Variants in CACNA1C observed in about 807,000 individuals in gnomAD.
CACNA1C encodes the protein calcium voltage-gated channel subunit alpha1 C.
Under a neutral mutation model 229.0 loss-of-function variants are expected in CACNA1C, and 30 were observed. That is an observed-to-expected ratio of 0.13 (90% CI 0.10 to 0.18). The LOEUF (loss-of-function observed/expected upper bound fraction) is 0.18, where lower values mean the gene tolerates loss of function less well. Among genes scored for constraint, CACNA1C ranks in the 10% least tolerant of loss-of-function variants. The pLI is 1.00. For synonymous variants in CACNA1C, 1,114 were observed against 1,132.5 expected (o/e 0.98, Z 0.33); for missense variants, 1,658 against 2,845.0 (o/e 0.58, Z 9.49).
chr12:2,057,397 G>T (rs997257245), intron 1 of CACNA1C, among the ~76,000 whole-genome samples: 2 of 152,212 alleles, frequency 1.3e-5, no homozygotes, highest in Non-Finnish European at 2.9e-5. Flanking sequence ...AGTAGGTGGC[G>T]CCACAGGGCT....
chr12:2,189,936 C>T (rs536717560), intron 3 of CACNA1C, among the ~76,000 whole-genome samples: 16 of 152,270 alleles, frequency 1.1e-4, no homozygotes, highest in South Asian at 6.2e-4. Context: ...AGGTGAGAGC[C>T]GAAACCTTCA....
chr12:2,524,892 G>A (rs1363738157), intron 9 of CACNA1C, among the ~76,000 whole-genome samples: 1 of 152,236 alleles, frequency 6.6e-6, no homozygotes, highest in Non-Finnish European at 1.5e-5. Flanking sequence ...GTGGGCACAG[G>A]ACAGTGTTCC....
At chr12:2,266,258 CG>C (rs2082350240) in intron 3 of CACNA1C, among the ~76,000 whole-genome samples, 3 of 152,198 alleles carry the variant, frequency 2.0e-5, no homozygotes, top group African/African-American at 4.8e-5. Flanking sequence ...GAGAATGGGC[CG>C]GGCGGGCAGT....
intron 9 of CACNA1C, among the ~76,000 whole-genome samples, chr12:2,529,695 G>A (rs1215930967): frequency 3.9e-5 from 6 of 152,190 alleles, no homozygotes; most frequent in Non-Finnish European, 8.8e-5. Flanking sequence ...TTCCTTGCCT[G>A]TCAACATTTC....
chr12:2,498,612 C>T (rs1476533811), intron 7 of CACNA1C, among the ~76,000 whole-genome samples: 1 of 152,216 alleles, frequency 6.6e-6, no homozygotes, highest in African/African-American at 2.4e-5. Flanking sequence ...CAGTTCAGGT[C>T]TAACTAAAGA....
intron 9 of CACNA1C, among the ~76,000 whole-genome samples, chr12:2,548,275 G>A (rs570032398): frequency 1.3e-5 from 2 of 152,300 alleles, no homozygotes; most frequent in East Asian, 1.9e-4. Context: ...GTGGAATTCA[G>A]TGCCCCTGTT....
At chr12:2,676,657 G>A (rs1237367829) in intron 39 of CACNA1C, 3 of 159,414 alleles carry the variant, frequency 1.9e-5, no homozygotes, top group Non-Finnish European at 4.1e-5. Context: ...GAACCGTTTT[G>A]CACTTGCACT....
Position 2,439,593 on chromosome 12 carries a change from A to G in CACNA1C, c.478-9383A>G, listed in dbSNP as rs372929083. 7.2e-5 allele frequency among the ~76,000 whole-genome samples: 11 copies of G among 152,206 alleles called. No individual in the cohort carries two copies. The East Asian group carries it at 2.1e-3, about 29-fold the overall frequency. ...ACGTGCTGGGGCAGGGAGGCAAGTC[A>G]GGCCCACACCCATGTGCTGGGGCAG... On this transcript the variant is annotated intron_variant, in intron 3 of 46. Transcript: ENST00000399655.
intron 3 of CACNA1C, among the ~76,000 whole-genome samples, chr12:2,206,142 G>A (rs1335084346): frequency 1.3e-5 from 2 of 152,216 alleles, no homozygotes; most frequent in Non-Finnish European, 2.9e-5. Context: ...GGATGGCTCC[G>A]CGTAAACCGT....
chr12:2,081,308 C>T (rs776039224), intron 1 of CACNA1C, among the ~76,000 whole-genome samples: 31 of 152,260 alleles, frequency 2.0e-4, no homozygotes, highest in African/African-American at 6.7e-4. Context: ...CGGTGGCTCA[C>T]GCCTGTAATC....
intron 3 of CACNA1C, among the ~76,000 whole-genome samples, chr12:2,327,496 G>T (rs1237988125): frequency 6.6e-6 from 1 of 152,168 alleles, no homozygotes; most frequent in Non-Finnish European, 1.5e-5. Context: ...ATTTCGTTCT[G>T]TGCCTTGGCA....
chr12:2,426,487 G>A (rs1481679167), intron 3 of CACNA1C, among the ~76,000 whole-genome samples: 1 of 152,210 alleles, frequency 6.6e-6, no homozygotes, highest in African/African-American at 2.4e-5. Flanking sequence ...AGATAGGAAA[G>A]CCCAAGCTGT....
chr12:1,980,864 T>C (rs1467403194), intron 1 of CACNA1C, among the ~76,000 whole-genome samples: 2 of 151,984 alleles, frequency 1.3e-5, no homozygotes, highest in Admixed American at 1.3e-4. Context: ...AATTAAGATA[T>C]CAAGTTTAAC....
intron 19 of CACNA1C, among the ~76,000 whole-genome samples, 156 bp downstream of exon 19, chr12:2,593,501 T>G (rs1281438123): frequency 6.6e-6 from 1 of 152,240 alleles, no homozygotes; most frequent in Non-Finnish European, 1.5e-5. Context: ...GAGTCCTGGA[T>G]TTTGAATCAG....
At chr12:2,445,151 A>T (rs1315569026) in intron 3 of CACNA1C, among the ~76,000 whole-genome samples, 1 of 151,910 alleles carries the variant, frequency 6.6e-6, no homozygotes, top group African/African-American at 2.4e-5. Flanking sequence ...CCCCCTCCAC[A>T]TTCCCTACTC....
intron 3 of CACNA1C, among the ~76,000 whole-genome samples, chr12:2,371,304 T>C (rs552382204): frequency 1.4e-4 from 22 of 152,074 alleles, no homozygotes; most frequent in African/African-American, 5.1e-4. Context: ...CGGGCAGAAG[T>C]TGGAATAGAA....
chr12:2,588,578 G>A (rs183464444), intron 18 of CACNA1C, among the ~76,000 whole-genome samples: 36 of 152,278 alleles, frequency 2.4e-4, no homozygotes, highest in African/African-American at 6.7e-4. Context: ...TCGCATGACC[G>A]CGAATACTCA....
chr12:2,017,206 C>G (rs2045546134), intron 1 of CACNA1C, among the ~76,000 whole-genome samples: 1 of 152,264 alleles, frequency 6.6e-6, no homozygotes, highest in African/African-American at 2.4e-5. Flanking sequence ...CTACATGAGA[C>G]TGGGATGGTG....
intron 5 of CACNA1C, among the ~76,000 whole-genome samples, chr12:2,480,658 A>C (rs1418823467): frequency 6.6e-6 from 1 of 152,182 alleles, no homozygotes; most frequent in Non-Finnish European, 1.5e-5. Flanking sequence ...CTCTGAGTCC[A>C]CCTATGAGAA....
Sources: gnomAD v4.1 joint callset for allele counts (sites outside exome capture counted in the v4.1 genomes callset) on GRCh38, gnomAD v4.1.1 for gene constraint, MANE v1.5 for transcripts, NCBI Gene and HGNC (gene_info 2026-07-23, HGNC 2026-07-21) for gene names.